FHOD3: variants seen among roughly 807,000 people sequenced by gnomAD.
The protein encoded by FHOD3 is FH1/FH2 domain-containing protein 3.
A neutral mutation model predicts 173.0 loss-of-function variants in FHOD3; 90 were observed. That is an observed-to-expected ratio of 0.52 (90% CI 0.44 to 0.62). The LOEUF is 0.62. FHOD3 is among the 20% of genes least tolerant of loss of function. The pLI is 0.00. For synonymous variants in FHOD3, 828 were observed against 823.0 expected, an observed-to-expected ratio of 1.01 and a Z score of -0.10; for missense variants, 1,945 against 2,034.7, an observed-to-expected ratio of 0.96 and a Z score of 0.85.
chr18:36,595,352 C>T (rs886196180), intron 7 of FHOD3, among the ~76,000 whole-genome samples: 3 of 152,170 alleles, frequency 2.0e-5, no homozygotes, highest in Non-Finnish European at 4.4e-5. Flanking sequence ...AACCTATGCT[C>T]CTGGCCACCC....
At chr18:36,693,139 A>T in intron 16 of FHOD3, 70 bp from the exon 17 acceptor site, 1 of 1,445,394 alleles carries the variant, frequency 6.9e-7, no homozygotes, top group South Asian at 1.2e-5. Flanking sequence ...CAGGTGTTTC[A>T]TCCATAAACA....
chr18:36,424,305 T>C (rs147136703), intron 3 of FHOD3, among the ~76,000 whole-genome samples: 858 of 152,354 alleles, frequency 5.6e-3, no homozygotes, highest in Non-Finnish European at 8.3e-3. Flanking sequence ...TATAAAACTG[T>C]GCTGTGCTTT....
intron 25 of FHOD3, among the ~76,000 whole-genome samples, chr18:36,756,762 C>T (rs2042650638): frequency 6.6e-6 from 1 of 152,106 alleles, no homozygotes; most frequent in Non-Finnish European, 1.5e-5. Context: ...TTTTCTGGAC[C>T]TTTAGGAAGT....
At chr18:36,426,524 G>A (rs77705838) in intron 3 of FHOD3, among the ~76,000 whole-genome samples, 3,780 of 152,260 alleles carry the variant, frequency 0.025, 144 homozygotes, top group African/African-American at 0.087. Context: ...TGTGGGGACT[G>A]GGGGAGCAGG....
At chr18:36,620,361 C>T (rs1243086582) in intron 9 of FHOD3, among the ~76,000 whole-genome samples, 2 of 152,276 alleles carry the variant, frequency 1.3e-5, no homozygotes, top group South Asian at 4.1e-4. Context: ...CCTACTCCTG[C>T]TGCTGCAGTC....
chr18:36,322,248 A>G (rs1422069111), intron 1 of FHOD3, among the ~76,000 whole-genome samples: 1 of 152,144 alleles, frequency 6.6e-6, no homozygotes, highest in Non-Finnish European at 1.5e-5. Flanking sequence ...ACAGCCCTAG[A>G]AAGTGGAAGA....
Position 36,298,012 on chromosome 18 carries a change from CG to C in FHOD3, c.165+16del. 6.6e-7 allele frequency: 1 copy of C among 1,525,434 alleles called. No homozygotes were observed. Among genetic ancestry groups the C allele is most frequent in the Non-Finnish European group, 8.8e-7 (1 of 1,137,366 alleles). The allele number at this position is 1,525,434 out of a possible 1,614,324, so 94.5% of individuals were successfully genotyped here. ...AGGCGCCGCACAAGGTACGACCCGG[CG>C]GGGTGGGCTGGGCCCCCTGGACTCA... is the stretch of plus-strand genomic sequence containing the variant. On this transcript the variant is annotated intron_variant, in intron 1 of 28. Transcript: ENST00000590592.
intron 1 of FHOD3, among the ~76,000 whole-genome samples, chr18:36,310,827 A>G (rs979720735): frequency 2.0e-5 from 3 of 152,070 alleles, no homozygotes; most frequent in African/African-American, 7.2e-5. Flanking sequence ...CACCTGGTAC[A>G]GGTGAGACAC....
At chr18:36,667,174 T>C (rs2037235346) in intron 14 of FHOD3, among the ~76,000 whole-genome samples, 1 of 152,260 alleles carries the variant, frequency 6.6e-6, no homozygotes, top group Non-Finnish European at 1.5e-5. Flanking sequence ...ACTTGGGTTG[T>C]CTTTGTATGT....
At chr18:36,469,231 C>T (rs1364195344) in intron 3 of FHOD3, among the ~76,000 whole-genome samples, 1 of 152,178 alleles carries the variant, frequency 6.6e-6, no homozygotes, top group Non-Finnish European at 1.5e-5. Context: ...AATATTGACC[C>T]TCTCAGGGCC....
intron 7 of FHOD3, among the ~76,000 whole-genome samples, chr18:36,596,435 G>A (rs749693736): frequency 2.7e-5 from 4 of 146,702 alleles, no homozygotes; most frequent in Non-Finnish European, 4.5e-5. Context: ...CACCTGCCTC[G>A]GCCTCCCAAA....
At chr18:36,484,250 T>G (rs1342802708) in intron 3 of FHOD3, among the ~76,000 whole-genome samples, 1 of 152,220 alleles carries the variant, frequency 6.6e-6, no homozygotes, top group Non-Finnish European at 1.5e-5. Flanking sequence ...CTTGACATCT[T>G]TTTCTGTTCA....
intron 1 of FHOD3, among the ~76,000 whole-genome samples, chr18:36,334,897 T>C (rs1229579951): frequency 6.6e-6 from 1 of 152,208 alleles, no homozygotes; most frequent in Non-Finnish European, 1.5e-5. Flanking sequence ...TTTATTCCTG[T>C]AAGGAGGCCT....
At chr18:36,415,956 A>T (rs115985392) in intron 3 of FHOD3, among the ~76,000 whole-genome samples, 82 of 152,324 alleles carry the variant, frequency 5.4e-4, no homozygotes, top group African/African-American at 1.9e-3. Flanking sequence ...TTAACTCTCA[A>T]ATCAACTGGA....
At chr18:36,662,542 C>T (rs528753286) in intron 14 of FHOD3, among the ~76,000 whole-genome samples, 2 of 152,290 alleles carry the variant, frequency 1.3e-5, no homozygotes, top group East Asian at 3.9e-4. Context: ...AGATTAATGT[C>T]AAGAGCCCTT....
chr18:36,312,409 C>G lies in FHOD3; in HGVS notation c.165+14409C>G, dbSNP rs532573474. On this transcript the variant is annotated intron_variant, in intron 1 of 28. Coordinates refer to ENST00000590592, the MANE Select transcript of FHOD3 (RefSeq NM_001281740.3). ...GAGCTGACCCCTGGCTCAGCTCTCT[C>G]TGGGCTCTGAGGCCAAATACCCAGC... Among the ~76,000 whole-genome samples the G allele has an allele frequency of 5.9e-4, 90 of 152,304 alleles. 2 individuals are homozygous for G. In the South Asian group the frequency reaches 0.018, roughly 30 times the overall value.
chr18:36,693,181 C>T (rs773476141), intron 16 of FHOD3, 28 bp from the exon 17 acceptor site: 46 of 1,597,596 alleles, frequency 2.9e-5, no homozygotes, highest in Middle Eastern at 1.9e-4. Flanking sequence ...TTTCGTTTGA[C>T]GGAAACCCTT....
chr18:36,379,001 T>G (rs1313408664), intron 3 of FHOD3, among the ~76,000 whole-genome samples: 1 of 152,202 alleles, frequency 6.6e-6, no homozygotes, highest in African/African-American at 2.4e-5. Flanking sequence ...AGTCCTTAAA[T>G]GCTGGGAACC....
chr18:36,605,177 C>T (rs1263711344), intron 8 of FHOD3, among the ~76,000 whole-genome samples: 1 of 152,194 alleles, frequency 6.6e-6, no homozygotes, highest in Non-Finnish European at 1.5e-5. Flanking sequence ...GGATTAAAGT[C>T]ATCTATTTCC....
Sources: gnomAD v4.1 joint callset for allele counts (sites outside exome capture counted in the v4.1 genomes callset) on GRCh38, gnomAD v4.1.1 for gene constraint, MANE v1.5 for transcripts, NCBI Gene and HGNC (gene_info 2026-07-23, HGNC 2026-07-21) for gene names.